SVOP: variants seen among roughly 807,000 people sequenced by gnomAD.
The protein encoded by SVOP is SV2 related protein, also known as synaptic vesicle 2-related protein.
A neutral mutation model predicts 69.1 loss-of-function variants in SVOP; 17 were observed. The observed-to-expected ratio is 0.25, with a 90% CI of 0.17 to 0.37. SVOP has a LOEUF of 0.37. SVOP is among the 10% of genes least tolerant of loss of function. The probability of loss-of-function intolerance (pLI) is 1.00; values close to 1 mark genes in which losing one functional copy is unlikely to be tolerated. For synonymous variants in SVOP, 238 were observed against 238.6 expected (o/e 1.00, Z 0.02); for missense variants, 435 against 597.5 (o/e 0.73, Z 2.84).
chr12:108,915,573 C>A (rs1055415510), intron 15 of SVOP, among the ~76,000 whole-genome samples: 5 of 152,238 alleles, frequency 3.3e-5, no homozygotes, highest in African/African-American at 1.2e-4. Flanking sequence ...GGCTACTTTC[C>A]AGCTGCATGA....
At chr12:108,942,151 C>T (rs2039895140) in intron 7 of SVOP, among the ~76,000 whole-genome samples, 1 of 152,228 alleles carries the variant, frequency 6.6e-6, no homozygotes, top group South Asian at 2.1e-4. Flanking sequence ...CAAGATTCAT[C>T]TGCATTGTAC....
At chr12:108,954,617 T>C (rs1261792340) in intron 6 of SVOP, among the ~76,000 whole-genome samples, 1 of 152,208 alleles carries the variant, frequency 6.6e-6, no homozygotes, top group Non-Finnish European at 1.5e-5. Flanking sequence ...GGTGTGATTT[T>C]CTCTGTTCCA....
At chr12:108,958,323 A>G (rs553322136) in intron 6 of SVOP, among the ~76,000 whole-genome samples, 1 of 150,050 alleles carries the variant, frequency 6.7e-6, no homozygotes, top group Non-Finnish European at 1.5e-5. Context: ...TTTTAATTTA[A>G]TACTGTGTTT....
chr12:108,995,499 G>A (rs887831188), intron 1 of SVOP, among the ~76,000 whole-genome samples: 3 of 152,166 alleles, frequency 2.0e-5, no homozygotes, highest in Admixed American at 2.0e-4. Context: ...GGGGCTGGGG[G>A]GAAGGGAGGA....
At chr12:108,966,368 G>A (rs968199843) in intron 5 of SVOP, among the ~76,000 whole-genome samples, 6 of 152,204 alleles carry the variant, frequency 3.9e-5, no homozygotes, top group South Asian at 2.1e-4. Flanking sequence ...TTCCATGGCT[G>A]CCACAAACTC....
rs190532963 is a variant in SVOP at position 109,007,415 on chromosome 12, T to C, written c.35+13419A>G. On this transcript the variant is annotated intron_variant, in intron 1 of 15. Coordinates refer to ENST00000610966, the MANE Select transcript of SVOP (RefSeq NM_018711.5). ...AACCTCTTCTTCAAATATTTGAGGCTCTGACCTGTGAAAGAAGGTGCCTCT... is the reference window on the plus strand; with the variant it reads ...AACCTCTTCTTCAAATATTTGAGGCCCTGACCTGTGAAAGAAGGTGCCTCT... Among the ~76,000 whole-genome samples the C allele has an allele frequency of 2.8e-3, 423 of 152,312 alleles. 1 individual carries two copies. The highest frequency in any genetic ancestry group is 1.0e-2 in the African/African-American group (415 of 41,564).
chr12:108,940,784 G>A lies in SVOP; in HGVS notation c.768C>T (p.Phe256=), dbSNP rs1222697539. The stretch of plus-strand genomic sequence containing the variant: ...GTGAAATCTCTTAAAGGATACCTAC[G>A]AAACACAGCACGGCAAAGAGGAGGA... The part of the protein sequence containing the change: ...VPLLLFAVLC[F]WLPESARYDV... Residue 256 remains phenylalanine (F), a splice_region_variant and synonymous_variant, in exon 8 of 16, where the codon TTC becomes TTT. Coordinates refer to ENST00000610966, the MANE Select transcript of SVOP (RefSeq NM_018711.5). 1.5e-5 allele frequency: 23 copies of A among 1,536,980 alleles called. No individual in the cohort carries two copies. The highest frequency in any genetic ancestry group is 3.9e-5 in the Admixed American group (2 of 50,978).
chr12:108,920,594 CT>C lies in SVOP; in HGVS notation c.1157-809del, dbSNP rs71079507. On this transcript the variant is annotated intron_variant, in intron 12 of 15. Coordinates refer to ENST00000610966, the MANE Select transcript of SVOP (RefSeq NM_018711.5). The stretch of plus-strand genomic sequence containing the variant: ...GAATTTGAGATAAGCATTTTTACAT[CT>C]TTTTTTTTTTTTTTTTTTGACAGAG... Among the ~76,000 whole-genome samples, 660 of 121,268 alleles carry C rather than the reference CT, an allele frequency of 5.4e-3. 2 individuals are homozygous for C. Among genetic ancestry groups the C allele is most frequent in the South Asian group, 0.02 (75 of 3,748 alleles). The allele number at this position is 121,268 out of a possible 152,430, so 79.6% of individuals were successfully genotyped here.
chr12:109,015,872 G>A (rs1463097495), intron 1 of SVOP, among the ~76,000 whole-genome samples: 2 of 152,106 alleles, frequency 1.3e-5, no homozygotes, highest in Admixed American at 1.3e-4. Flanking sequence ...CGGCCAAATG[G>A]GACAAATGGA....
intron 1 of SVOP, among the ~76,000 whole-genome samples, chr12:109,016,691 G>A (rs2040369405): frequency 6.6e-6 from 1 of 151,234 alleles, no homozygotes; most frequent in Non-Finnish European, 1.5e-5. Flanking sequence ...AGCCTTCCCT[G>A]ATACCCACCT....
intron 1 of SVOP, among the ~76,000 whole-genome samples, chr12:109,008,606 C>A (rs1188609342): frequency 1.3e-5 from 2 of 152,166 alleles, no homozygotes; most frequent in African/African-American, 4.8e-5. Context: ...TCCTAGTTAG[C>A]ATTCATGAAG....
intron 5 of SVOP, among the ~76,000 whole-genome samples, chr12:108,966,399 T>C (rs1451714313): frequency 6.6e-6 from 1 of 152,122 alleles, no homozygotes; most frequent in East Asian, 1.9e-4. Flanking sequence ...GAAACTTCTG[T>C]AGGAACCAAA....
chr12:108,919,783 A>G lies in SVOP; in HGVS notation c.1160T>C (p.Val387Ala). 6 of 1,590,524 alleles carry G rather than the reference A, an allele frequency of 3.8e-6. No homozygotes were observed. The highest frequency in any genetic ancestry group is 5.1e-6 in the Non-Finnish European group (6 of 1,168,316). The change falls in exon 13 of 16, where the codon GTC becomes GCC. Residue 387 changes from valine (V) to alanine (A), a missense_variant. Coordinates refer to ENST00000610966, the MANE Select transcript of SVOP (RefSeq NM_018711.5). ...GTCAATAATCCACAGAGTCACAAGGACACCTGGAAGGGGAGTGGGGAGAGA... is the reference window on the plus strand; with the variant it reads ...GTCAATAATCCACAGAGTCACAAGGGCACCTGGAAGGGGAGTGGGGAGAGA... The part of the protein sequence containing the change: ...LWTTLSEFPG[V>A]LVTLWIIDRL...
intron 11 of SVOP, among the ~76,000 whole-genome samples, chr12:108,930,925 G>C (rs1027493408): frequency 6.6e-6 from 1 of 152,176 alleles, no homozygotes; most frequent in Non-Finnish European, 1.5e-5. Flanking sequence ...CTGTTGTGCT[G>C]CTACAAACAA....
intron 1 of SVOP, among the ~76,000 whole-genome samples, chr12:109,014,347 A>G (rs2040357669): frequency 6.6e-6 from 1 of 152,168 alleles, no homozygotes; most frequent in South Asian, 2.1e-4. Flanking sequence ...GCTGAATAAT[A>G]TTCCAAATGT....
chr12:108,976,997 T>C (rs2040110088), intron 4 of SVOP, among the ~76,000 whole-genome samples: 1 of 152,210 alleles, frequency 6.6e-6, no homozygotes, highest in Non-Finnish European at 1.5e-5. Flanking sequence ...CAAGCCTTAA[T>C]TCCAGGGAGC....
At chr12:108,999,428 C>G (rs2040255483) in intron 1 of SVOP, among the ~76,000 whole-genome samples, 1 of 146,082 alleles carries the variant, frequency 6.8e-6, no homozygotes, top group African/African-American at 2.5e-5. Flanking sequence ...ACAAGGATAC[C>G]CAGGAATTGA....
intron 11 of SVOP, among the ~76,000 whole-genome samples, chr12:108,930,435 CT>C (rs35584030): frequency 0.39 from 45,620 of 116,684 alleles, 9,178 homozygotes; most frequent in African/African-American, 0.63. Flanking sequence ...CAGTTGATTG[CT>C]TTTTTTTTTT....
chr12:108,960,052 G>A (rs1566057614), intron 6 of SVOP, among the ~76,000 whole-genome samples: 1 of 152,214 alleles, frequency 6.6e-6, no homozygotes, highest in Non-Finnish European at 1.5e-5. Context: ...AACAGCACCT[G>A]CCACATAGTT....
Sources: allele counts gnomAD v4.1 joint callset (sites outside exome capture counted in the v4.1 genomes callset), GRCh38; gene constraint gnomAD v4.1.1; transcripts MANE v1.5; gene names NCBI Gene and HGNC (gene_info 2026-07-23, HGNC 2026-07-21).